Variants in GLCCI1 observed in about 807,000 individuals in gnomAD.
GLCCI1 encodes glucocorticoid induced 1.
Under a neutral mutation model 52.2 loss-of-function variants are expected in GLCCI1, and 24 were observed. That is an observed-to-expected ratio of 0.46 (90% CI 0.33 to 0.65). GLCCI1 has a LOEUF of 0.65. Ranked by LOEUF, GLCCI1 falls within the 30% of genes least tolerant of loss-of-function variation. The probability of loss-of-function intolerance (pLI) is 0.02; values close to 1 mark genes in which losing one functional copy is unlikely to be tolerated. For missense variants in GLCCI1, 704 were observed against 701.5 expected, an observed-to-expected ratio of 1.00 and a Z score of -0.04; for synonymous variants, 310 against 276.5, an observed-to-expected ratio of 1.12 and a Z score of -1.20.
intron 5 of GLCCI1, among the ~76,000 whole-genome samples, chr7:8,061,180 A>G (rs539975439): frequency 6.6e-6 from 1 of 151,370 alleles, no homozygotes; most frequent in East Asian, 1.9e-4. Context: ...GCTCACTGCA[A>G]GCTCTGCCTC....
intron 3 of GLCCI1, among the ~76,000 whole-genome samples, chr7:8,027,877 A>G (rs145659841): frequency 5.6e-4 from 85 of 152,362 alleles, no homozygotes; most frequent in African/African-American, 1.9e-3. Flanking sequence ...AGACAGGGTC[A>G]TTGTATAATG....
chr7:8,037,988 C>T (rs1781905606), intron 3 of GLCCI1, among the ~76,000 whole-genome samples: 1 of 152,244 alleles, frequency 6.6e-6, no homozygotes, highest in East Asian at 1.9e-4. Context: ...GTCATCAAGA[C>T]AGAAAGTCAG....
At chr7:8,074,021 C>T (rs963456959) in intron 6 of GLCCI1, among the ~76,000 whole-genome samples, 2 of 152,130 alleles carry the variant, frequency 1.3e-5, no homozygotes, top group African/African-American at 2.4e-5. Flanking sequence ...TGTAACTATG[C>T]ACACATGGGT....
intron 1 of GLCCI1, among the ~76,000 whole-genome samples, chr7:7,998,457 C>T (rs549577596): frequency 1.3e-5 from 2 of 152,302 alleles, no homozygotes; most frequent in South Asian, 4.1e-4. Context: ...CTCAGGTCAT[C>T]CACCCACCTC....
rs1225140673 is a variant in GLCCI1 at position 7,969,750 on chromosome 7, A to T, written c.400A>T (p.Ser134Cys). The T allele has an allele frequency of 1.2e-5, 17 of 1,473,448 alleles. No homozygotes were observed. Among genetic ancestry groups the T allele is most frequent in the Non-Finnish European group, 1.5e-5 (17 of 1,116,036 alleles). 91.3% of individuals were successfully genotyped at this position (1,473,448 alleles called of 1,614,324 possible). Residue 134 changes from serine to cysteine, a missense_variant, in exon 1 of 8, where the codon AGC (serine) becomes TGC (cysteine). This residue lies in a region of GLCCI1 where 547 missense variants were observed against 524.8 expected (regional missense o/e 1.04). Coordinates refer to ENST00000223145, the MANE Select transcript of GLCCI1 (RefSeq NM_138426.4). This position sits in a 1 kb window ranked among gnomAD's most constrained non-coding sequence, Gnocchi z 4.9. ...GGGCCGCCCGAGACGGTCCCCAGAG[A>T]GCCACCGGAGGAGCAGCTCACCTGA... Reference protein sequence around the residue: ...AKGRPRRSPESHRRSSSPERR... With the variant: ...AKGRPRRSPECHRRSSSPERR...
At chr7:8,060,990 C>T (rs1326521693) in intron 5 of GLCCI1, among the ~76,000 whole-genome samples, 1 of 152,040 alleles carries the variant, frequency 6.6e-6, no homozygotes, top group Non-Finnish European at 1.5e-5. Context: ...AATTATCTGT[C>T]CTTTTTTAAT....
At chr7:8,060,453 A>G (rs1399656073) in intron 5 of GLCCI1, among the ~76,000 whole-genome samples, 2 of 152,168 alleles carry the variant, frequency 1.3e-5, no homozygotes, top group Non-Finnish European at 2.9e-5. Context: ...CATCACCCCA[A>G]AAAGAAACAT....
At chr7:8,042,823 C>G (rs780536753) in intron 3 of GLCCI1, among the ~76,000 whole-genome samples, 7 of 152,132 alleles carry the variant, frequency 4.6e-5, no homozygotes, top group African/African-American at 7.2e-5. Context: ...ATTACATAAA[C>G]CTAGTTGATA....
intron 2 of GLCCI1, among the ~76,000 whole-genome samples, chr7:8,012,841 C>A (rs1781297892): frequency 6.6e-6 from 1 of 152,150 alleles, no homozygotes; most frequent in South Asian, 2.1e-4. Context: ...CTTTTGTTGG[C>A]ATATTCAAGA....
intron 5 of GLCCI1, among the ~76,000 whole-genome samples, chr7:8,061,420 C>T (rs1434236329): frequency 6.6e-6 from 1 of 151,676 alleles, no homozygotes; most frequent in East Asian, 2.0e-4. Context: ...ATTTGTATAT[C>T]CTCATTGGAG....
chr7:7,997,498 A>C (rs1034421509), intron 1 of GLCCI1, among the ~76,000 whole-genome samples: 4 of 152,202 alleles, frequency 2.6e-5, no homozygotes, highest in African/African-American at 9.7e-5. Flanking sequence ...AAGAAAAGCA[A>C]CTTAATGTCT....
intron 1 of GLCCI1, among the ~76,000 whole-genome samples, chr7:7,971,816 C>A (rs1780359055): frequency 6.6e-6 from 1 of 152,180 alleles, no homozygotes; most frequent in South Asian, 2.1e-4. Flanking sequence ...AAACACTTTT[C>A]TGAGTCTGGT....
chr7:8,058,182 T>C (rs1307327216), intron 4 of GLCCI1, among the ~76,000 whole-genome samples: 1 of 152,106 alleles, frequency 6.6e-6, no homozygotes, highest in Non-Finnish European at 1.5e-5. Context: ...CAAAATATGA[T>C]GAAAAATACA....
chr7:8,068,367 T>A (rs1023602556), intron 5 of GLCCI1, among the ~76,000 whole-genome samples: 24 of 151,994 alleles, frequency 1.6e-4, no homozygotes, highest in African/African-American at 1.2e-4. Context: ...AAAAAAAAAA[T>A]TTCGTCTTAG....
Position 8,086,063 on chromosome 7 carries a change from C to T in GLCCI1, c.1299-130C>T. ...CTTGTGCTATGGAAGATGTTTACCC[C>T]TCTGTATACACTTAACCCATCTCCT... On this transcript the variant is annotated intron_variant, in intron 7 of 7. Coordinates refer to ENST00000223145, the MANE Select transcript of GLCCI1 (RefSeq NM_138426.4). This position sits in a 1 kb window ranked among gnomAD's most constrained non-coding sequence, Gnocchi z 4.4. 1 of 721,596 alleles carries T rather than the reference C, an allele frequency of 1.4e-6. No individual in the cohort carries two copies. 44.7% of individuals were successfully genotyped at this position (721,596 alleles called of 1,614,324 possible). A position where few individuals can be genotyped will look rare whatever the true frequency, so the allele number is the denominator to read the frequency against.
chr7:8,078,818 C>T (rs1426098412), intron 6 of GLCCI1: 1 of 152,182 alleles, frequency 6.6e-6, no homozygotes, highest in East Asian at 1.9e-4. Context: ...GATGTGGAAA[C>T]GATTACCATC....
intron 3 of GLCCI1, among the ~76,000 whole-genome samples, chr7:8,031,184 A>G (rs1219471849): frequency 6.6e-6 from 1 of 152,210 alleles, no homozygotes; most frequent in Non-Finnish European, 1.5e-5. Flanking sequence ...TGGTACTTAT[A>G]GACAAAGCAG....
intron 2 of GLCCI1, among the ~76,000 whole-genome samples, chr7:8,013,659 A>G (rs1486500758): frequency 1.3e-5 from 2 of 152,240 alleles, no homozygotes; most frequent in Non-Finnish European, 2.9e-5. Flanking sequence ...TCATTCAAGT[A>G]TTATGTTTGC....
At chr7:8,030,565 G>T (rs1781724132) in intron 3 of GLCCI1, among the ~76,000 whole-genome samples, 1 of 152,078 alleles carries the variant, frequency 6.6e-6, no homozygotes, top group African/African-American at 2.4e-5. Context: ...GAAAGCTTCT[G>T]CACAGCAAAC....
Sources: allele counts gnomAD v4.1 joint callset (sites outside exome capture counted in the v4.1 genomes callset), GRCh38; gene constraint gnomAD v4.1.1; regional missense constraint gnomAD v4.1.1; non-coding constraint Gnocchi (gnomAD v3.1); transcripts MANE v1.5; gene names NCBI Gene and HGNC (gene_info 2026-07-23, HGNC 2026-07-21).